The following NEDD4 variants were observed in gnomAD, a reference collection of about 807,000 sequenced individuals.
The protein encoded by NEDD4 is NEDD4 E3 ubiquitin protein ligase.
NEDD4 carries 99 observed loss-of-function variants against 144.9 expected under a neutral mutation model. That is an observed-to-expected ratio of 0.68 (90% CI 0.58 to 0.81). NEDD4 has a LOEUF of 0.81. Among genes scored for constraint, NEDD4 ranks in the 30% least tolerant of loss-of-function variants. The pLI is 0.00. For synonymous variants in NEDD4, 318 were observed against 350.6 expected (o/e 0.91, Z 1.04); for missense variants, 985 against 1,065.9 (o/e 0.92, Z 1.06).
intron 4 of NEDD4, among the ~76,000 whole-genome samples, chr15:55,939,782 T>A (rs527730944): frequency 6.6e-6 from 1 of 152,252 alleles, no homozygotes; most frequent in East Asian, 1.9e-4. Flanking sequence ...GAAAATAGTA[T>A]AGCCTCTATA....
chr15:55,897,845 A>G (rs1595814120), intron 5 of NEDD4, among the ~76,000 whole-genome samples: 1 of 152,134 alleles, frequency 6.6e-6, no homozygotes, highest in African/African-American at 2.4e-5. Context: ...GCTTTCCCCT[A>G]TACTTTTCCC....
At chr15:55,934,521 A>C (rs992920726) in intron 4 of NEDD4, among the ~76,000 whole-genome samples, 1 of 152,200 alleles carries the variant, frequency 6.6e-6, no homozygotes, top group African/African-American at 2.4e-5. Context: ...ACAATATATG[A>C]ATAGAAAGTA....
chr15:55,938,773 T>TA (rs1303131296), intron 4 of NEDD4, among the ~76,000 whole-genome samples: 56 of 145,496 alleles, frequency 3.8e-4, no homozygotes, highest in Non-Finnish European at 4.9e-4. Flanking sequence ...AACCCAATAG[T>TA]AAAAAAAAAA....
rs573338925 is a variant in NEDD4, at chr15:55,865,657, A to G, written c.508-2578T>C. On this transcript the variant is annotated intron_variant, in intron 8 of 28. Transcript: ENST00000435532. ...CACAGAGCTTCTGTTCTAGGCCTGG[A>G]GATCAGCAGTAAATGACTGCTGTGT... 7.6e-4 allele frequency among the ~76,000 whole-genome samples: 115 copies of G among 152,228 alleles called. 1 individual carries two copies. The highest frequency in any genetic ancestry group is 1.3e-3 in the Non-Finnish European group (86 of 68,016).
intron 2 of NEDD4, among the ~76,000 whole-genome samples, chr15:55,961,234 T>C (rs1267566494): frequency 6.6e-6 from 1 of 152,102 alleles, no homozygotes; most frequent in Non-Finnish European, 1.5e-5. Flanking sequence ...AACATCTATG[T>C]CCAAATTCCT....
chr15:55,864,162 G>A (rs567950032), intron 8 of NEDD4, among the ~76,000 whole-genome samples: 2 of 152,094 alleles, frequency 1.3e-5, no homozygotes, highest in Non-Finnish European at 2.9e-5. Flanking sequence ...AAAGGCAGTA[G>A]GTCAAAGATT....
At chr15:55,938,773 TA>T (rs1303131296) in intron 4 of NEDD4, among the ~76,000 whole-genome samples, 4 of 145,498 alleles carry the variant, frequency 2.7e-5, no homozygotes, top group East Asian at 2.0e-4. Context: ...AACCCAATAG[TA>T]AAAAAAAAAC....
intron 4 of NEDD4, among the ~76,000 whole-genome samples, chr15:55,946,617 G>A (rs1429109404): frequency 1.3e-5 from 2 of 152,094 alleles, no homozygotes; most frequent in African/African-American, 4.8e-5. Flanking sequence ...AAGTTAACAA[G>A]GATATCCAGG....
intron 1 of NEDD4, among the ~76,000 whole-genome samples, chr15:55,978,734 G>T (rs1479013917): frequency 6.6e-6 from 1 of 152,004 alleles, no homozygotes; most frequent in African/African-American, 2.4e-5. Flanking sequence ...AAATAAAATA[G>T]AAAGTTGCAA....
intron 1 of NEDD4, among the ~76,000 whole-genome samples, chr15:55,991,131 T>G (rs1363694279): frequency 6.6e-6 from 1 of 152,262 alleles, no homozygotes; most frequent in African/African-American, 2.4e-5. Context: ...TTTTTCTCCC[T>G]GTTTTAGTTT....
chr15:55,883,643 G>T (rs990061301), intron 5 of NEDD4, among the ~76,000 whole-genome samples: 1 of 151,594 alleles, frequency 6.6e-6, no homozygotes, highest in Non-Finnish European at 1.5e-5. Context: ...CCACAGGGAT[G>T]CTTGTGTCAT....
chr15:55,905,241 T>G lies in NEDD4; in HGVS notation c.291+19405A>C, dbSNP rs551221774. The G allele has an allele frequency of 3.7e-5, 17 of 455,446 alleles. No individual in the cohort carries two copies. In the East Asian group the frequency reaches 5.6e-4, roughly 15 times the overall value. The allele number at this position is 455,446 out of a possible 1,614,324, so 28.2% of individuals were successfully genotyped here. On this transcript the variant is annotated intron_variant, in intron 5 of 28. Transcript: ENST00000435532. ...AATTCACTCAGTTGCAGAACTTATA[T>G]AAAGGAATCACCTTCACTCCTGATT...
At chr15:55,922,429 C>G (rs1373462411) in intron 5 of NEDD4, among the ~76,000 whole-genome samples, 2 of 152,194 alleles carry the variant, frequency 1.3e-5, no homozygotes, top group Non-Finnish European at 2.9e-5. Flanking sequence ...ATGGTGTTAT[C>G]TTGGCTCACT....
intron 5 of NEDD4, among the ~76,000 whole-genome samples, chr15:55,904,600 G>A (rs1309678397): frequency 6.6e-6 from 1 of 152,092 alleles, no homozygotes; most frequent in Non-Finnish European, 1.5e-5. Context: ...ACCACACCCG[G>A]CGTATTTCCA....
intron 5 of NEDD4, chr15:55,916,805 A>G (rs2036465182): frequency 1.2e-6 from 2 of 1,608,540 alleles, no homozygotes; most frequent in East Asian, 2.2e-5. Context: ...TTCTGGCTGC[A>G]AAGTGCAATC....
chr15:55,956,168 A>G (rs1166849979), intron 2 of NEDD4, among the ~76,000 whole-genome samples: 3 of 152,088 alleles, frequency 2.0e-5, no homozygotes, highest in Non-Finnish European at 4.4e-5. Flanking sequence ...AGGTGTATGT[A>G]TTTATGGGGT....
intron 4 of NEDD4, among the ~76,000 whole-genome samples, chr15:55,944,398 C>A (rs1421054817): frequency 6.6e-6 from 1 of 152,190 alleles, no homozygotes; most frequent in African/African-American, 2.4e-5. Context: ...GCGCAGCAGT[C>A]TGAGATCGAC....
rs1444002705 is a variant in NEDD4, at chr15:55,962,553, C to T, written c.119+3920G>A. On this transcript the variant is annotated intron_variant, in intron 2 of 28. Transcript: ENST00000435532. ...CCATCTCCCAGGTTCAAGCAATTCT[C>T]CTGCCTCAGCCTCCTGAGTAGCTGG... 2.0e-5 allele frequency among the ~76,000 whole-genome samples: 3 copies of T among 152,144 alleles called. No homozygotes were observed. The East Asian group carries it at 5.8e-4, about 29-fold the overall frequency.
chr15:55,846,346 G>C (rs1219000726), intron 18 of NEDD4, among the ~76,000 whole-genome samples: 1 of 152,150 alleles, frequency 6.6e-6, no homozygotes, highest in African/African-American at 2.4e-5. Flanking sequence ...GGATGAGCAA[G>C]TAAGAGAGGC....
Sources: gnomAD v4.1 joint callset for allele counts (sites outside exome capture counted in the v4.1 genomes callset) on GRCh38, gnomAD v4.1.1 for gene constraint, MANE v1.5 for transcripts, NCBI Gene and HGNC (gene_info 2026-07-23, HGNC 2026-07-21) for gene names.